Variants in KLF8 observed in about 807,000 individuals in gnomAD.
KLF8 encodes the protein Krueppel-like factor 8.
A neutral mutation model predicts 18.2 loss-of-function variants in KLF8; 10 were observed. The ratio of observed to expected loss-of-function variants is 0.55; its 90% CI spans 0.34 to 0.93. The LOEUF is 0.93. Ranked by LOEUF, KLF8 falls within the 40% of genes least tolerant of loss-of-function variation. The pLI, the probability that KLF8 is intolerant of heterozygous loss-of-function variation, is 0.02. For missense variants in KLF8, 264 were observed against 277.9 expected (o/e 0.95, Z 0.36); for synonymous variants, 109 against 97.3 (o/e 1.12, Z -0.71).
the KLF8 span, among the ~76,000 whole-genome samples, chrX:55,922,658 G>A: frequency 0.011 from 1,269 of 112,302 alleles, 10 homozygotes; most frequent in African/African-American, 0.039. Context: ...TAAAAAATGG[G>A]CAAAGGCCAT....
the KLF8 span, among the ~76,000 whole-genome samples, chrX:56,028,918 T>C: frequency 2.7e-5 from 3 of 111,112 alleles, no homozygotes; most frequent in Admixed American, 9.5e-5. Flanking sequence ...GCATAAGTCC[T>C]GTACGGGCCG....
the KLF8 span, among the ~76,000 whole-genome samples, chrX:56,207,053 G>C: frequency 8.9e-6 from 1 of 112,650 alleles, no homozygotes; most frequent in African/African-American, 3.2e-5. Flanking sequence ...CATAGATGTT[G>C]GCCCCTTCTA....
intron 5 of KLF8, among the ~76,000 whole-genome samples, chrX:56,280,542 C>T (rs1213125478): frequency 8.9e-6 from 1 of 112,071 alleles, no homozygotes; most frequent in East Asian, 2.8e-4. Flanking sequence ...TCTCTTATGT[C>T]TTGAGTTATT....
the KLF8 span, among the ~76,000 whole-genome samples, chrX:55,998,339 C>T: frequency 2.7e-5 from 3 of 111,394 alleles, no homozygotes; most frequent in East Asian, 2.8e-4. Flanking sequence ...GGCTGGGGGA[C>T]GGTCAGGTCT....
chrX:56,105,752 A>G, the KLF8 span, among the ~76,000 whole-genome samples: 2 of 111,249 alleles, frequency 1.8e-5, 1 homozygote, highest in African/African-American at 6.5e-5. Flanking sequence ...TCCTGTCATT[A>G]TGTCATTATG....
chrX:55,949,333 CTGTGTGTGTGTGTGTGTGTGTGTG>C, the KLF8 span, among the ~76,000 whole-genome samples: 22,713 of 88,010 alleles, frequency 0.26, 5,347 homozygotes, highest in African/African-American at 0.72. Flanking sequence ...TTTTCATATG[CTGTGTGTGTGTGTGTGTGTGTGTG>C]TGTGTGTGTG....
At chrX:56,186,688 A>G in the KLF8 span, among the ~76,000 whole-genome samples, 1 of 112,118 alleles carries the variant, frequency 8.9e-6, no homozygotes, top group Non-Finnish European at 1.9e-5. Context: ...CTCAGACCAC[A>G]GTGCAATCAA....
chrX:56,123,427 A>G, the KLF8 span, among the ~76,000 whole-genome samples: 1 of 111,740 alleles, frequency 8.9e-6, no homozygotes, highest in Non-Finnish European at 1.9e-5. Context: ...GTTGTAATTT[A>G]TCTAGACATT....
the KLF8 span, among the ~76,000 whole-genome samples, chrX:56,189,278 C>A: frequency 8.9e-6 from 1 of 112,072 alleles, no homozygotes; most frequent in Non-Finnish European, 1.9e-5. Flanking sequence ...AAATGCTCAT[C>A]ATCACTGGCC....
chrX:55,945,080 C>T, the KLF8 span, among the ~76,000 whole-genome samples: 2 of 111,213 alleles, frequency 1.8e-5, no homozygotes, highest in African/African-American at 3.3e-5. Context: ...GCCTTCATTT[C>T]GTTATGTACC....
At chrX:56,127,676 AC>A in the KLF8 span, among the ~76,000 whole-genome samples, 3 of 111,113 alleles carry the variant, frequency 2.7e-5, no homozygotes, top group Non-Finnish European at 3.8e-5. Flanking sequence ...CAAAACAAAA[AC>A]AAAAACTACT....
the KLF8 span, among the ~76,000 whole-genome samples, chrX:56,164,729 C>CTTTTTTTTTTTTTTTTTTATTTT: frequency 1.9e-5 from 1 of 51,920 alleles, no homozygotes; most frequent in Non-Finnish European, 3.3e-5. Flanking sequence ...CTTGTTATCT[C>CTTTTTTTTTTTTTTTTTTATTTT]TTTTTTTTTT....
chrX:55,972,091 C>A, the KLF8 span, among the ~76,000 whole-genome samples: 2 of 111,534 alleles, frequency 1.8e-5, no homozygotes, highest in Admixed American at 9.5e-5. Context: ...TCTGCACTCT[C>A]ATGTTTATTG....
At chrX:56,157,765 A>T in the KLF8 span, among the ~76,000 whole-genome samples, 5 of 111,348 alleles carry the variant, frequency 4.5e-5, no homozygotes, top group Non-Finnish European at 7.5e-5. Context: ...AATTTGTTTG[A>T]GTTCATTGTA....
At chrX:56,207,944 T>C in the KLF8 span, among the ~76,000 whole-genome samples, 2 of 111,042 alleles carry the variant, frequency 1.8e-5, no homozygotes, top group Admixed American at 1.9e-4. Flanking sequence ...CTCACAATCA[T>C]GGCAGAAGGT....
chrX:56,077,516 C>A, the KLF8 span, among the ~76,000 whole-genome samples: 2 of 111,832 alleles, frequency 1.8e-5, no homozygotes, highest in Non-Finnish European at 3.8e-5. Flanking sequence ...TGTTTTGGTA[C>A]CAGTACCATG....
the KLF8 span, among the ~76,000 whole-genome samples, chrX:56,034,182 G>C: frequency 9.0e-6 from 1 of 111,680 alleles, no homozygotes; most frequent in Non-Finnish European, 1.9e-5. Flanking sequence ...ATGGTGAGGT[G>C]ATTTTCATGT....
At chrX:56,157,517 G>T in the KLF8 span, among the ~76,000 whole-genome samples, 2 of 110,669 alleles carry the variant, frequency 1.8e-5, no homozygotes, top group African/African-American at 6.5e-5. Flanking sequence ...CAATGTAAAA[G>T]TGTTCCTATT....
chrX:55,963,897 A>T, the KLF8 span, among the ~76,000 whole-genome samples: 23 of 111,931 alleles, frequency 2.1e-4, no homozygotes, highest in African/African-American at 7.1e-4. Flanking sequence ...AATTTTTTTT[A>T]AAAAAGCCAA....
Sources: gnomAD v4.1 joint callset for allele counts (sites outside exome capture counted in the v4.1 genomes callset) on GRCh38, gnomAD v4.1.1 for gene constraint, MANE v1.5 for transcripts, NCBI Gene and HGNC (gene_info 2026-07-23, HGNC 2026-07-21) for gene names.